The following ATL1 variants were observed in gnomAD, a reference collection of about 807,000 sequenced individuals.
The protein encoded by ATL1 is atlastin-1.
In ATL1, 31 loss-of-function variants were observed where a neutral mutation model predicts 75.5. The observed-to-expected ratio is 0.41, with a 90% CI of 0.31 to 0.55. The LOEUF (loss-of-function observed/expected upper bound fraction) is 0.55. ATL1 is among the 20% of genes least tolerant of loss of function. The pLI, the probability that ATL1 is intolerant of heterozygous loss-of-function variation, is 0.27. For synonymous variants in ATL1, 226 were observed against 233.3 expected (o/e 0.97, Z 0.28); for missense variants, 405 against 662.6 (o/e 0.61, Z 4.27).
chr14:50,579,821 G>A (rs1317083040), intron 1 of ATL1, among the ~76,000 whole-genome samples: 1 of 152,062 alleles, frequency 6.6e-6, no homozygotes, highest in Non-Finnish European at 1.5e-5. Flanking sequence ...GGCCATGGTG[G>A]TAGTATTTAT....
At chr14:50,578,122 T>C (rs1048282250) in intron 1 of ATL1, among the ~76,000 whole-genome samples, 2 of 152,192 alleles carry the variant, frequency 1.3e-5, no homozygotes, top group South Asian at 4.1e-4. Flanking sequence ...TTTTTAAAAG[T>C]CTCTATACCA....
upstream of ATL1, among the ~76,000 whole-genome samples, chr14:50,556,706 TG>T (rs1297304418): frequency 6.6e-6 from 1 of 152,232 alleles, no homozygotes; most frequent in African/African-American, 2.4e-5. Context: ...TCTTTAGATT[TG>T]CCTATTCTAT....
intron 1 of ATL1, among the ~76,000 whole-genome samples, chr14:50,569,450 T>G (rs2038935353): frequency 6.6e-6 from 1 of 151,990 alleles, no homozygotes. Flanking sequence ...CTTTCTTAAA[T>G]TATATAGAAA....
chr14:50,615,219 G>A (rs919536115), intron 8 of ATL1, among the ~76,000 whole-genome samples: 1 of 152,154 alleles, frequency 6.6e-6, no homozygotes, highest in Non-Finnish European at 1.5e-5. Context: ...TAGTTAGTAC[G>A]ACATTGTTCA....
chr14:50,583,024 AC>A (rs2039071555), intron 1 of ATL1, among the ~76,000 whole-genome samples: 1 of 152,180 alleles, frequency 6.6e-6, no homozygotes, highest in Admixed American at 6.5e-5. Context: ...ATTTTTAGAA[AC>A]CCTTAGTAAA....
intron 8 of ATL1, among the ~76,000 whole-genome samples, chr14:50,620,206 T>C (rs1157160001): frequency 1.3e-5 from 2 of 152,078 alleles, no homozygotes; most frequent in African/African-American, 4.8e-5. Flanking sequence ...TGCAGTGAGC[T>C]GAGATTGCAC....
chr14:50,570,132 G>A (rs192289568), intron 1 of ATL1, among the ~76,000 whole-genome samples: 1 of 152,152 alleles, frequency 6.6e-6, no homozygotes, highest in East Asian at 1.9e-4. Context: ...TAATCTCTCT[G>A]CCACTTTCTC....
At chr14:50,577,392 T>C (rs575231490) in intron 1 of ATL1, among the ~76,000 whole-genome samples, 1 of 152,322 alleles carries the variant, frequency 6.6e-6, no homozygotes, top group South Asian at 2.1e-4. Flanking sequence ...CAAAGATGAA[T>C]AATACAGTCT....
intron 11 of ATL1, among the ~76,000 whole-genome samples, chr14:50,625,145 T>G (rs540955750): frequency 2.0e-5 from 3 of 152,176 alleles, no homozygotes; most frequent in Non-Finnish European, 4.4e-5. Flanking sequence ...GCTTTTTTGC[T>G]GACACAGAGA....
At chr14:50,557,425 C>T (rs987315), upstream of ATL1, among the ~76,000 whole-genome samples, 143,056 of 152,246 alleles carry the variant, frequency 0.94, 67,642 homozygotes, top group Non-Finnish European at 0.99. Context: ...CATATCCTTT[C>T]CTTTTTCCAG....
intron 1 of ATL1, among the ~76,000 whole-genome samples, chr14:50,581,107 G>C (rs2039051318): frequency 6.6e-6 from 1 of 151,566 alleles, no homozygotes; most frequent in East Asian, 1.9e-4. Flanking sequence ...ATATTATTAA[G>C]TTAATCTCAC....
chr14:50,612,062 C>T (rs895473912), intron 6 of ATL1, among the ~76,000 whole-genome samples: 5 of 152,092 alleles, frequency 3.3e-5, no homozygotes, highest in Admixed American at 2.6e-4. Context: ...GGAAATTGCG[C>T]AGTAATGACT....
At chr14:50,536,328 T>C (rs969612564) in intron 1 of ATL1, among the ~76,000 whole-genome samples, 35 of 150,996 alleles carry the variant, frequency 2.3e-4, no homozygotes, top group African/African-American at 7.6e-4. Flanking sequence ...CCCAGCTACT[T>C]GGGAGGCTGA....
At chr14:50,589,440 G>A (rs1046413669) in intron 2 of ATL1, among the ~76,000 whole-genome samples, 13 of 152,052 alleles carry the variant, frequency 8.5e-5, no homozygotes, top group Non-Finnish European at 1.6e-4. Context: ...TTACAGACAT[G>A]AGCCACCATG....
intron 1 of ATL1, among the ~76,000 whole-genome samples, chr14:50,583,125 C>T (rs929479757): frequency 6.6e-6 from 1 of 152,082 alleles, no homozygotes; most frequent in Non-Finnish European, 1.5e-5. Context: ...CCCCAATAGG[C>T]AAATATTGGA....
intron 7 of ATL1, among the ~76,000 whole-genome samples, chr14:50,613,967 A>C (rs1369644845): frequency 6.6e-6 from 1 of 152,170 alleles, no homozygotes; most frequent in Non-Finnish European, 1.5e-5. Flanking sequence ...TTAAATGTAC[A>C]CTTACCAGGT....
chr14:50,576,332 A>G (rs568926477), intron 1 of ATL1, among the ~76,000 whole-genome samples: 1 of 152,240 alleles, frequency 6.6e-6, no homozygotes, highest in South Asian at 2.1e-4. Context: ...ATGTAACCCT[A>G]TTGTAAGTTG....
intron 2 of ATL1, among the ~76,000 whole-genome samples, chr14:50,590,058 A>G (rs759128521): frequency 6.6e-6 from 1 of 152,188 alleles, no homozygotes; most frequent in Non-Finnish European, 1.5e-5. Context: ...TCAGCCTTTA[A>G]ACAATTGATA....
chr14:50,589,155 CTT>C (rs34191629), intron 2 of ATL1, among the ~76,000 whole-genome samples: 6 of 109,422 alleles, frequency 5.5e-5, no homozygotes, highest in South Asian at 3.2e-4. Context: ...TTCTTTCTTT[CTT>C]TTTTTTTTTT....
Sources: gnomAD v4.1 joint callset for allele counts (sites outside exome capture counted in the v4.1 genomes callset) on GRCh38, gnomAD v4.1.1 for gene constraint, MANE v1.5 for transcripts, NCBI Gene and HGNC (gene_info 2026-07-23, HGNC 2026-07-21) for gene names.